The following ZYG11A variants were observed in gnomAD, a reference collection of about 807,000 sequenced individuals.
ZYG11A encodes the protein protein zyg-11 homolog A.
In ZYG11A, 62 loss-of-function variants were observed where a neutral mutation model predicts 77.2. The ratio of observed to expected loss-of-function variants is 0.80; its 90% CI spans 0.65 to 0.99. The LOEUF is 0.99. ZYG11A is among the 50% of genes least tolerant of loss of function. The pLI is 0.00. For missense variants in ZYG11A, 828 were observed against 896.8 expected (o/e 0.92, Z 0.98); for synonymous variants, 315 against 324.6 (o/e 0.97, Z 0.32).
rs558315743 is a variant in ZYG11A, at chr1:52,892,099, C to T, written c.2105-683C>T. On this transcript the variant is annotated intron_variant, in intron 13 of 13. Coordinates refer to ENST00000371528, the MANE Select transcript of ZYG11A (RefSeq NM_001004339.3). ...TATTTTTAGTAGAGACGGGGTTTCA[C>T]CGTGTTAGCCAGGATGGTCTCGATC... Among the ~76,000 whole-genome samples, 68 of 149,698 alleles carry T rather than the reference C, an allele frequency of 4.5e-4. No individual in the cohort carries two copies. The East Asian group carries it at 0.013, about 29-fold the overall frequency.
At chr1:52,843,209 G>T (rs1057089617) in intron 1 of ZYG11A, among the ~76,000 whole-genome samples, 1 of 152,122 alleles carries the variant, frequency 6.6e-6, no homozygotes, top group Non-Finnish European at 1.5e-5. Context: ...CCGGCGAAGC[G>T]CGTGGAACTT....
intron 8 of ZYG11A, among the ~76,000 whole-genome samples, chr1:52,874,150 C>T (rs907222386): frequency 6.6e-6 from 1 of 152,070 alleles, no homozygotes; most frequent in African/African-American, 2.4e-5. Context: ...AGTCGGCAGC[C>T]ATCAACATTG....
intron 8 of ZYG11A, among the ~76,000 whole-genome samples, chr1:52,868,036 G>A (rs916226125): frequency 2.8e-5 from 3 of 106,700 alleles, no homozygotes; most frequent in African/African-American, 1.4e-4. Flanking sequence ...GCGCGATCTC[G>A]GCTCACTGCA....
intron 1 of ZYG11A, among the ~76,000 whole-genome samples, chr1:52,846,887 G>A (rs1457875785): frequency 7.4e-6 from 1 of 135,250 alleles, no homozygotes; most frequent in South Asian, 2.3e-4. Flanking sequence ...TTTTTTTGTC[G>A]CCCAGGCTGG....
intron 2 of ZYG11A, among the ~76,000 whole-genome samples, chr1:52,855,109 G>A (rs1455593494): frequency 6.6e-6 from 1 of 151,968 alleles, no homozygotes; most frequent in East Asian, 1.9e-4. Context: ...TGATCCGTCT[G>A]CCTTGGCTTC....
At chr1:52,870,519 G>A (rs1056325634) in intron 8 of ZYG11A, among the ~76,000 whole-genome samples, 2 of 152,238 alleles carry the variant, frequency 1.3e-5, no homozygotes, top group Non-Finnish European at 2.9e-5. Context: ...CGGCTGGGAG[G>A]TGGAGGTTGT....
chr1:52,864,644 G>T (rs1302328887), intron 5 of ZYG11A, among the ~76,000 whole-genome samples: 2 of 151,872 alleles, frequency 1.3e-5, no homozygotes, highest in African/African-American at 2.4e-5. Flanking sequence ...AAGCAGTGAG[G>T]CTAAAATTTT....
chr1:52,851,897 G>A (rs1309106431), intron 1 of ZYG11A, among the ~76,000 whole-genome samples: 2 of 149,414 alleles, frequency 1.3e-5, no homozygotes, highest in Non-Finnish European at 3.0e-5. Context: ...ACAGGCACCC[G>A]CCACCATGCC....
Position 52,866,496 on chromosome 1 carries a change from C to G in ZYG11A, c.1327-7C>G. 6.8e-7 allele frequency: 1 copy of G among 1,460,090 alleles called. No individual in the cohort carries two copies. The highest frequency in any genetic ancestry group is 9.4e-7 in the Non-Finnish European group (1 of 1,066,308). 90.4% of individuals were successfully genotyped at this position (1,460,090 alleles called of 1,614,324 possible). Reference sequence around the variant, plus strand: ...GTTCAAAATTATTTTTCTTTATTCTCTAAAAGTTACAGAAGAATTGTCTTC... The same window carrying G: ...GTTCAAAATTATTTTTCTTTATTCTGTAAAAGTTACAGAAGAATTGTCTTC... On this transcript the variant is annotated splice_polypyrimidine_tract_variant and splice_region_variant and intron_variant, in intron 5 of 13. Transcript: ENST00000371528.
In ZYG11A at chr1:52,892,916, A is replaced by G. The variant is rs1646570637; in HGVS notation, c.2239A>G (p.Met747Val). Reference protein sequence around the residue: ...SILDDFRMHFMNYQRPTLCQM... With the variant: ...SILDDFRMHFVNYQRPTLCQM... ...TCTGGATGACTTCAGAATGCATTTC[A>G]TGAATTATCAGAGGCCCACTCTGTG... Residue 747 changes from methionine to valine, a missense_variant, in exon 14 of 14, where the codon ATG becomes GTG. By Grantham distance (21) the Met-to-Val change is conservative. Transcript: ENST00000371528. The G allele has an allele frequency of 6.4e-7, 1 of 1,551,762 alleles. No individual in the cohort carries two copies. The highest frequency in any genetic ancestry group is 1.4e-5 in the African/African-American group (1 of 73,048).
At chr1:52,863,625 C>T (rs1239347553) in intron 4 of ZYG11A, among the ~76,000 whole-genome samples, 2 of 152,214 alleles carry the variant, frequency 1.3e-5, no homozygotes, top group South Asian at 2.1e-4. Context: ...ATTACTGTCA[C>T]AAGGCTTTAT....
At chr1:52,885,924 TTTTTTTTTCTTC>T in intron 12 of ZYG11A, 30 bp downstream of exon 12, 1 of 1,469,570 alleles carries the variant, frequency 6.8e-7, no homozygotes, top group Non-Finnish European at 9.1e-7. Flanking sequence ...CTTTTCTTCT[TTTTTTTTTCTTC>T]TTTTTTTTAT....
Position 52,893,857 on chromosome 1 carries a change from G to C in ZYG11A, c.*900G>C, listed in dbSNP as rs1252920949. The C allele has an allele frequency of 2.1e-5, 3 of 141,792 alleles. No homozygotes were observed. Among genetic ancestry groups the C allele is most frequent in the Non-Finnish European group, 4.6e-5 (3 of 65,878 alleles). 8.8% of individuals were successfully genotyped at this position (141,792 alleles called of 1,614,324 possible). A position where few individuals can be genotyped will look rare whatever the true frequency, so the allele number is the denominator to read the frequency against. ...GACGGAATCTCGCTCTGTCGCCCAG[G>C]CTGGAGTGCAGTGGCACAATCTCGG... On this transcript the variant is annotated 3_prime_UTR_variant, in exon 14 of 14. Coordinates refer to ENST00000371528, the MANE Select transcript of ZYG11A (RefSeq NM_001004339.3).
intron 1 of ZYG11A, among the ~76,000 whole-genome samples, chr1:52,850,030 C>T (rs2087351973): frequency 6.6e-6 from 1 of 152,152 alleles, no homozygotes; most frequent in South Asian, 2.1e-4. Context: ...TTAAGAAGTG[C>T]CTTAATTGGG....
intron 8 of ZYG11A, among the ~76,000 whole-genome samples, chr1:52,873,327 A>G (rs890175179): frequency 2.6e-5 from 4 of 152,190 alleles, no homozygotes; most frequent in African/African-American, 9.7e-5. Flanking sequence ...ACAAACAAAA[A>G]TAATATTCAT....
At chr1:52,885,070 G>A (rs1420864044) in intron 11 of ZYG11A, among the ~76,000 whole-genome samples, 1 of 151,880 alleles carries the variant, frequency 6.6e-6, no homozygotes, top group Admixed American at 6.6e-5. Context: ...CACCATACCC[G>A]GCTAATTTTT....
rs1031765546 is a variant in ZYG11A, at chr1:52,877,803, T to C, written c.1664T>C (p.Ile555Thr). 14 of 1,551,590 alleles carry C rather than the reference T, an allele frequency of 9.0e-6. No individual in the cohort carries two copies. The highest frequency in any genetic ancestry group is 4.1e-5 in the African/African-American group (3 of 73,070). ...TCTCCAGCTGCCTGCAAGCACTTCATTGAAAATCAAGGATTGCAAATCTTC... is the reference window on the plus strand; with the variant it reads ...TCTCCAGCTGCCTGCAAGCACTTCACTGAAAATCAAGGATTGCAAATCTTC... ...DGSPAACKHF[I>T]ENQGLQIFIQ... is the part of the protein sequence containing the mutation. The change falls in exon 9 of 14, where the codon ATT (isoleucine) becomes ACT (threonine). Residue 555 changes from isoleucine to threonine, a missense_variant. Transcript: ENST00000371528.
At chr1:52,882,187 C>G (rs2150018771) in intron 11 of ZYG11A, among the ~76,000 whole-genome samples, 1 of 152,344 alleles carries the variant, frequency 6.6e-6, no homozygotes, top group East Asian at 1.9e-4. Context: ...GCCATCGCGC[C>G]TAGCCAACTT....
chr1:52,881,904 CT>C (rs140988580), intron 11 of ZYG11A, among the ~76,000 whole-genome samples: 6,462 of 139,918 alleles, frequency 0.046, 428 homozygotes, highest in African/African-American at 0.16. Flanking sequence ...ATTGATGTTT[CT>C]TTTTTTTTTT....
Sources: gnomAD v4.1 joint callset for allele counts (sites outside exome capture counted in the v4.1 genomes callset) on GRCh38, gnomAD v4.1.1 for gene constraint, MANE v1.5 for transcripts, NCBI Gene and HGNC (gene_info 2026-07-23, HGNC 2026-07-21) for gene names.